The following LMNB1 variants were observed in gnomAD, a reference collection of about 807,000 sequenced individuals.
LMNB1 encodes the protein lamin-B1.
LMNB1 carries 23 observed loss-of-function variants against 67.1 expected under a neutral mutation model. The ratio of observed to expected loss-of-function variants is 0.34; its 90% CI spans 0.25 to 0.49. The LOEUF (loss-of-function observed/expected upper bound fraction) is 0.49. Among genes scored for constraint, LMNB1 ranks in the 20% least tolerant of loss-of-function variants. LMNB1 has a pLI of 0.99. For synonymous variants in LMNB1, 281 were observed against 282.9 expected (o/e 0.99, Z 0.07); for missense variants, 634 against 746.5 (o/e 0.85, Z 1.76).
At chr5:126,809,529 A>C (rs1271481664) in intron 3 of LMNB1, among the ~76,000 whole-genome samples, 1 of 152,138 alleles carries the variant, frequency 6.6e-6, no homozygotes, top group Non-Finnish European at 1.5e-5. Context: ...TCTACTAAAA[A>C]TACAAAAATT....
chr5:126,806,640 G>C (rs376387235), intron 3 of LMNB1, among the ~76,000 whole-genome samples: 1 of 152,086 alleles, frequency 6.6e-6, no homozygotes, highest in African/African-American at 2.4e-5. Context: ...ACGAGAACAT[G>C]AATACATGCT....
chr5:126,805,829 G>T, intron 3 of LMNB1, 133 bp downstream of exon 3: 1 of 698,036 alleles, frequency 1.4e-6, no homozygotes. Context: ...AAATAATAAG[G>T]TTTGGGGATG....
chr5:126,833,486 C>G (rs1005373662), intron 10 of LMNB1, among the ~76,000 whole-genome samples: 1 of 152,134 alleles, frequency 6.6e-6, no homozygotes, highest in African/African-American at 2.4e-5. Context: ...CTTCATTAGC[C>G]CTAGTCCTGG....
chr5:126,792,033 G>A (rs546592967), intron 1 of LMNB1, among the ~76,000 whole-genome samples: 2 of 151,804 alleles, frequency 1.3e-5, no homozygotes, highest in East Asian at 3.9e-4. Flanking sequence ...TCCACCTATC[G>A]CTGCCTTCCA....
rs1249044958 is a variant in LMNB1, at chr5:126,814,645, T to A, written c.939+2747T>A. Reference sequence around the variant, plus strand: ...CTTCTGCTTCCCAGGTTCAAGTGATTCTCCTGCCTCAGCCTCCTGAGTAGC... The same window carrying A: ...CTTCTGCTTCCCAGGTTCAAGTGATACTCCTGCCTCAGCCTCCTGAGTAGC... On this transcript the variant is annotated intron_variant, in intron 5 of 10. Coordinates refer to ENST00000261366, the MANE Select transcript of LMNB1 (RefSeq NM_005573.4). 2.6e-5 allele frequency among the ~76,000 whole-genome samples: 4 copies of A among 152,078 alleles called. No homozygotes were observed. In the East Asian group the frequency reaches 7.7e-4, roughly 29 times the overall value.
chr5:126,812,711 T>G (rs1185687251), intron 5 of LMNB1, among the ~76,000 whole-genome samples: 2 of 146,646 alleles, frequency 1.4e-5, no homozygotes, highest in Non-Finnish European at 3.0e-5. Flanking sequence ...GAATAAACTT[T>G]ATTTTACTTT....
intron 9 of LMNB1, among the ~76,000 whole-genome samples, chr5:126,826,860 A>G (rs1752009870): frequency 6.6e-6 from 1 of 152,226 alleles, no homozygotes; most frequent in African/African-American, 2.4e-5. Context: ...TGCTATTGCC[A>G]TAAGCATGTT....
chr5:126,834,515 GTAAA>G (rs145160156), intron 10 of LMNB1, among the ~76,000 whole-genome samples: 2,027 of 152,356 alleles, frequency 0.013, 39 homozygotes, highest in African/African-American at 0.044. Flanking sequence ...CAAAGTGGGG[GTAAA>G]TAGTCTCCAC....
At position 126,818,922 on chromosome 5, in the gene LMNB1, T is replaced by G. The variant is rs1326377467; in HGVS notation, c.940T>G (p.Ser314Ala). The change falls in exon 6 of 11, where the codon TCT becomes GCT. Residue 314 changes from serine (S) to alanine (A), a missense_variant and splice_region_variant. Physicochemically the swap from Ser to Ala is moderately conservative, Grantham distance 99. Coordinates refer to ENST00000261366, the MANE Select transcript of LMNB1 (RefSeq NM_005573.4). Reference sequence around the variant, plus strand: ...TAAATATGTTTCCTTGCATCTTAAGTCTAGAGCATGTTTGGAAAGGATTCA... The same window carrying G: ...TAAATATGTTTCCTTGCATCTTAAGGCTAGAGCATGTTTGGAAAGGATTCA... ...SSQLSNLQKE[S>A]RACLERIQEL... The G allele has an allele frequency of 6.2e-7, 1 of 1,608,124 alleles. No homozygotes were observed. Among genetic ancestry groups the G allele is most frequent in the Non-Finnish European group, 8.5e-7 (1 of 1,174,716 alleles).
intron 1 of LMNB1, among the ~76,000 whole-genome samples, chr5:126,788,873 G>A (rs571743327): frequency 2.0e-5 from 3 of 149,980 alleles, no homozygotes; most frequent in Non-Finnish European, 4.4e-5. Flanking sequence ...TGGCAGTGAA[G>A]GGAAGGAGAC....
chr5:126,818,710 T>A (rs1401649849), intron 5 of LMNB1, among the ~76,000 whole-genome samples: 1 of 152,238 alleles, frequency 6.6e-6, no homozygotes, highest in South Asian at 2.1e-4. Flanking sequence ...GAATATGTCT[T>A]TTATTCTTTT....
intron 1 of LMNB1, among the ~76,000 whole-genome samples, chr5:126,792,684 C>T (rs556928954): frequency 6.8e-6 from 1 of 147,758 alleles, no homozygotes; most frequent in East Asian, 2.1e-4. Context: ...TCAAGCGTTT[C>T]TCCTGCCTCA....
chr5:126,832,867 A>G, intron 10 of LMNB1, 66 bp downstream of exon 10: 1 of 1,139,066 alleles, frequency 8.8e-7, no homozygotes, highest in Non-Finnish European at 1.2e-6. Flanking sequence ...GAAGACCAAG[A>G]GTGTGGTTGG....
chr5:126,805,680 A>G lies in LMNB1; in HGVS notation c.626A>G (p.Lys209Arg), dbSNP rs200755504. Residue 209 changes from lysine to arginine, a missense_variant, in exon 3 of 11, where the codon AAA becomes AGA. Transcript: ENST00000261366. ...QSLTEDLEFRKSMYEEEINET... is the reference protein window; with the variant it reads ...QSLTEDLEFRRSMYEEEINET... ...CTTACTGAGGACTTGGAGTTTCGCA[A>G]AAGCATGTATGAAGAGGTAACTATA... The G allele has an allele frequency of 2.2e-5, 35 of 1,611,866 alleles. No individual in the cohort carries two copies. In the Middle Eastern group the frequency reaches 1.3e-3, roughly 61 times the overall value.
intron 2 of LMNB1, 25 bp downstream of exon 2, chr5:126,804,957 C>A: frequency 6.3e-7 from 1 of 1,597,640 alleles, no homozygotes; most frequent in Non-Finnish European, 8.5e-7. Context: ...ACTCTTGAGC[C>A]GTATGTGACA....
chr5:126,820,837 TTG>T (rs1331320926), intron 6 of LMNB1, 71 bp from the exon 7 acceptor site: 3 of 1,183,174 alleles, frequency 2.5e-6, no homozygotes, highest in South Asian at 2.7e-5. Context: ...CCTTGTTTTT[TTG>T]TTTTTTTTTT....
intron 1 of LMNB1, among the ~76,000 whole-genome samples, chr5:126,791,518 C>T (rs1338267138): frequency 2.1e-5 from 3 of 144,200 alleles, no homozygotes; most frequent in Non-Finnish European, 4.6e-5. Flanking sequence ...AGTGCAGTGG[C>T]ATGATCTTGG....
rs370873753 is a variant in LMNB1 at position 126,804,938 on chromosome 5, G to A, written c.516+6G>A. On this transcript the variant is annotated splice_donor_region_variant and intron_variant, in intron 2 of 10. Transcript: ENST00000261366. The stretch of plus-strand genomic sequence containing the variant: ...TGAAGGATCAGATTGCCCAGGTAAG[G>A]TCAAGCCTACTCTTGAGCCGTATGT... 1 of 1,613,146 alleles carries A rather than the reference G, an allele frequency of 6.2e-7. No homozygotes were observed. The highest frequency in any genetic ancestry group is 1.3e-5 in the African/African-American group (1 of 74,882).
Position 126,777,435 on chromosome 5 carries a change from T to C in LMNB1, c.-74T>C. ...GCCGGTTTGTGCCTTCGGTCCCCGC[T>C]TCGCCCCCTGCCGTCCCCTCCTTAT... On this transcript the variant is annotated 5_prime_UTR_variant, in exon 1 of 11. Coordinates refer to ENST00000261366, the MANE Select transcript of LMNB1 (RefSeq NM_005573.4). 1 of 1,257,620 alleles carries C rather than the reference T, an allele frequency of 8.0e-7. No individual in the cohort carries two copies. The highest frequency in any genetic ancestry group is 1.0e-6 in the Non-Finnish European group (1 of 1,004,044). 77.9% of individuals were successfully genotyped at this position (1,257,620 alleles called of 1,614,324 possible).
Sources: allele counts gnomAD v4.1 joint callset (sites outside exome capture counted in the v4.1 genomes callset), GRCh38; gene constraint gnomAD v4.1.1; transcripts MANE v1.5; gene names NCBI Gene and HGNC (gene_info 2026-07-23, HGNC 2026-07-21).